The following MAIP1 variants were observed in gnomAD, a reference collection of about 807,000 sequenced individuals.
MAIP1 encodes the protein m-AAA protease-interacting protein 1, mitochondrial.
A neutral mutation model predicts 31.2 loss-of-function variants in MAIP1; 28 were observed. The observed-to-expected ratio is 0.90, with a 90% CI of 0.67 to 1.23. The LOEUF (loss-of-function observed/expected upper bound fraction) is 1.23, where lower values mean the gene tolerates loss of function less well. MAIP1 is among the 50% of genes most tolerant of loss of function. The pLI, the probability that MAIP1 is intolerant of heterozygous loss-of-function variation, is 0.00. For missense variants in MAIP1, 339 were observed against 356.0 expected, an observed-to-expected ratio of 0.95 and a Z score of 0.38; for synonymous variants, 142 against 142.3, an observed-to-expected ratio of 1.00 and a Z score of 0.02.
chr2:199,957,822 A>G (rs1030997690), intron 1 of MAIP1, among the ~76,000 whole-genome samples: 13 of 152,334 alleles, frequency 8.5e-5, no homozygotes, highest in Non-Finnish European at 2.9e-5. Context: ...ACTGTTCTGT[A>G]CAATGCCCAC....
intron 3 of MAIP1, among the ~76,000 whole-genome samples, chr2:199,961,042 G>A (rs973330479): frequency 6.6e-6 from 1 of 152,170 alleles, no homozygotes; most frequent in Non-Finnish European, 1.5e-5. Context: ...GGTGAATTGG[G>A]TAGAATAGGA....
In MAIP1 at chr2:199,956,248, GGTTT is replaced by G. The variant is rs774060118; in HGVS notation, c.450+5_450+8del. On this transcript the variant is annotated splice_donor_variant and splice_donor_region_variant and intron_variant, in intron 1 of 4. Coordinates refer to ENST00000392290, the MANE Select transcript of MAIP1 (RefSeq NM_001394955.1). LOFTEE classifies it high-confidence loss of function. ...CAGAGTTCTCCGAGGGAGCGAAGCA[GGTTT>G]GTTTATTTCCCTGATTGACCTATCC... 10 of 1,606,650 alleles carry G rather than the reference GGTTT, an allele frequency of 6.2e-6. No homozygotes were observed. Among genetic ancestry groups the G allele is most frequent in the African/African-American group, 2.7e-5 (2 of 74,770 alleles).
chr2:199,957,197 G>C (rs186427896), intron 1 of MAIP1, among the ~76,000 whole-genome samples: 80 of 152,250 alleles, frequency 5.3e-4, no homozygotes, highest in Middle Eastern at 3.4e-3. Context: ...TCAGGAGTTC[G>C]AGACCAGCCT....
chr2:199,955,471 G>A, upstream of MAIP1: 4 of 1,613,664 alleles, frequency 2.5e-6, no homozygotes, highest in South Asian at 2.2e-5. Flanking sequence ...GCCCGGCCAT[G>A]GTTGCTCACG....
At chr2:199,960,225 G>A (rs1304734173) in intron 3 of MAIP1, among the ~76,000 whole-genome samples, 1 of 152,136 alleles carries the variant, frequency 6.6e-6, no homozygotes, top group East Asian at 1.9e-4. Context: ...GTATTTTAAA[G>A]CTGCACTTTA....
At chr2:199,963,634 G>T in intron 4 of MAIP1, 99 bp from the exon 5 acceptor site, 2 of 678,948 alleles carry the variant, frequency 2.9e-6, no homozygotes, top group East Asian at 3.0e-5. Flanking sequence ...TTATCTTGTT[G>T]CCAAAAATTC....
In MAIP1 at chr2:199,956,203, C is replaced by T. The variant is rs746598091; in HGVS notation, c.405C>T (p.Phe135=). The T allele has an allele frequency of 1.2e-6, 2 of 1,614,018 alleles. No individual in the cohort carries two copies. The highest frequency in any genetic ancestry group is 1.7e-6 in the Non-Finnish European group (2 of 1,179,966). ...AGGCCTTCCTTATCTGGGCCTATTT[C>T]GACAAAGAGTTCAGCATCACAGAGT... is the stretch of plus-strand genomic sequence containing the variant. The part of the protein sequence containing the change: ...RIKAFLIWAY[F]DKEFSITEFS... The change falls in exon 1 of 5, where the codon TTC becomes TTT. Residue 135 remains phenylalanine (F), a synonymous_variant. Transcript: ENST00000392290.
upstream of MAIP1, chr2:199,955,328 G>T: frequency 6.4e-7 from 1 of 1,564,656 alleles, no homozygotes; most frequent in Non-Finnish European, 8.7e-7. Context: ...GTTCCCAGCT[G>T]TCCGAAAGGT....
chr2:199,960,351 G>A (rs1032500897), intron 3 of MAIP1, among the ~76,000 whole-genome samples: 1 of 152,154 alleles, frequency 6.6e-6, no homozygotes, highest in South Asian at 2.1e-4. Context: ...AATGAAAAAA[G>A]TTGGTAGGAA....
intron 1 of MAIP1, among the ~76,000 whole-genome samples, chr2:199,958,205 G>C (rs1034941505): frequency 6.6e-6 from 1 of 152,096 alleles, no homozygotes; most frequent in African/African-American, 2.4e-5. Flanking sequence ...CTGTGTCCTT[G>C]CATGGTCCTC....
At chr2:199,960,982 A>C (rs546989160) in intron 3 of MAIP1, among the ~76,000 whole-genome samples, 2 of 152,346 alleles carry the variant, frequency 1.3e-5, no homozygotes, top group African/African-American at 4.8e-5. Flanking sequence ...CACCATGGTC[A>C]CTAACTAATT....
In MAIP1 at chr2:199,956,041, C is replaced by T. The variant is rs1161762075; in HGVS notation, c.243C>T (p.Leu81=). The T allele has an allele frequency of 1.9e-6, 3 of 1,610,068 alleles. No homozygotes were observed. In the African/African-American group the frequency reaches 4.0e-5, roughly 22 times the overall value. ...GGCCAGTGCTCAGCAGCCCGGGACT[C>T]CCCGCAGCCTTCGCTTCTTTCCCTG... ...SRWPVLSSPG[L]PAAFASFPAC... The change falls in exon 1 of 5, where the codon CTC becomes CTT. Residue 81 remains leucine (L), a synonymous_variant. Coordinates refer to ENST00000392290, the MANE Select transcript of MAIP1 (RefSeq NM_001394955.1).
upstream of MAIP1, chr2:199,955,434 C>G: frequency 6.2e-7 from 1 of 1,613,982 alleles, no homozygotes; most frequent in East Asian, 2.2e-5. Flanking sequence ...CGAGAAACGC[C>G]CTCCAGCCGG....
At chr2:199,957,089 A>G (rs866631089) in intron 1 of MAIP1, among the ~76,000 whole-genome samples, 10 of 149,250 alleles carry the variant, frequency 6.7e-5, no homozygotes, top group African/African-American at 2.5e-4. Context: ...GTTCCCAAAC[A>G]TTGCAGAACT....
rs377269745 is a variant in MAIP1 at position 199,959,815 on chromosome 2, C to T, written c.584C>T (p.Ala195Val). ...CCTGACAACCATAAAAATGCCCTTGCTGCTAACATAGATGAAATTGTATTT... is the reference window on the plus strand; with the variant it reads ...CCTGACAACCATAAAAATGCCCTTGTTGCTAACATAGATGAAATTGTATTT... The part of the protein sequence containing the change: ...SLPDNHKNAL[A>V]ANIDEIVFTS... Residue 195 changes from alanine (A) to valine (V), a missense_variant, in exon 3 of 5, where the codon GCT becomes GTT. Transcript: ENST00000392290. The T allele has an allele frequency of 1.9e-6, 3 of 1,611,322 alleles. No homozygotes were observed. In the African/African-American group the frequency reaches 4.0e-5, roughly 22 times the overall value.
At chr2:199,957,452 T>C (rs1487270730) in intron 1 of MAIP1, among the ~76,000 whole-genome samples, 8 of 152,222 alleles carry the variant, frequency 5.3e-5, no homozygotes, top group African/African-American at 1.4e-4. Context: ...TCCCGCTTCA[T>C]ACCTCCATAT....
At chr2:199,956,915 G>C (rs1229807526) in intron 1 of MAIP1, among the ~76,000 whole-genome samples, 1 of 152,154 alleles carries the variant, frequency 6.6e-6, no homozygotes, top group Non-Finnish European at 1.5e-5. Context: ...AGCCTTTAGA[G>C]ATTCTTATCC....
chr2:199,955,571 G>T, upstream of MAIP1: 1 of 1,450,546 alleles, frequency 6.9e-7, no homozygotes, highest in Non-Finnish European at 9.3e-7. Flanking sequence ...GAAAAGGTCC[G>T]CGAGGCCGGC....
At chr2:199,957,490 C>T (rs1382026087) in intron 1 of MAIP1, among the ~76,000 whole-genome samples, 1 of 152,218 alleles carries the variant, frequency 6.6e-6, no homozygotes, top group African/African-American at 2.4e-5. Context: ...TTGGTGTAAT[C>T]ATTTTACAGT....
Sources: allele counts gnomAD v4.1 joint callset (sites outside exome capture counted in the v4.1 genomes callset), GRCh38; gene constraint gnomAD v4.1.1; transcripts MANE v1.5; gene names NCBI Gene and HGNC (gene_info 2026-07-23, HGNC 2026-07-21).